The following SCP2 variants were observed in gnomAD, a reference collection of about 807,000 sequenced individuals.
SCP2 encodes SCP-2/3-oxoacyl-CoA thiolase.
SCP2 carries 48 observed loss-of-function variants against 71.4 expected under a neutral mutation model. The ratio of observed to expected loss-of-function variants is 0.67; its 90% CI spans 0.53 to 0.86. The LOEUF is 0.86. SCP2 is among the 40% of genes least tolerant of loss of function. SCP2 has a pLI of 0.00. For synonymous variants in SCP2, 220 were observed against 218.1 expected (o/e 1.01, Z -0.08); for missense variants, 560 against 655.6 (o/e 0.85, Z 1.59).
intron 6 of SCP2, among the ~76,000 whole-genome samples, chr1:52,964,878 G>A (rs1158526199): frequency 6.6e-6 from 1 of 152,044 alleles, no homozygotes; most frequent in African/African-American, 2.4e-5. Context: ...GCCGAGCCTG[G>A]TAGTGCACAC....
At chr1:52,994,666 A>G in intron 11 of SCP2, 1 of 545,680 alleles carries the variant, frequency 1.8e-6, no homozygotes, top group Non-Finnish European at 3.4e-6. Flanking sequence ...AAAAAGTTAC[A>G]TATTTTCTTG....
intron 6 of SCP2, chr1:52,963,561 G>C (rs1429365481): frequency 6.6e-6 from 1 of 152,162 alleles, no homozygotes; most frequent in Non-Finnish European, 1.5e-5. Context: ...TGACCAGGAT[G>C]ATAGGGTCAA....
At position 53,011,075 on chromosome 1, in the gene SCP2, T is replaced by C. The variant is rs140204240; in HGVS notation, c.1082-3815T>C. Among the ~76,000 whole-genome samples, 355 of 152,362 alleles carry C rather than the reference T, an allele frequency of 2.3e-3. 1 individual carries two copies. The highest frequency in any genetic ancestry group is 0.017 in the Middle Eastern group (5 of 294). On this transcript the variant is annotated intron_variant, in intron 11 of 15. Transcript: ENST00000371514. ...AAAACTGCTCTATTATAAATATACA[T>C]TCTTCAGTGTATGCTGAGTCTATGA...
chr1:52,942,427 A>G (rs146118468), intron 2 of SCP2, among the ~76,000 whole-genome samples: 2 of 152,248 alleles, frequency 1.3e-5, no homozygotes, highest in East Asian at 1.9e-4. Context: ...CTACAGGTGT[A>G]TGGGTCCTGG....
At position 53,025,060 on chromosome 1, in the gene SCP2, C is replaced by T. The variant is rs185171610; in HGVS notation, c.1236-2909C>T. 2.3e-3 allele frequency among the ~76,000 whole-genome samples: 354 copies of T among 152,264 alleles called. 1 individual carries two copies. The highest frequency in any genetic ancestry group is 0.017 in the Middle Eastern group (5 of 294). On this transcript the variant is annotated intron_variant, in intron 12 of 15. Coordinates refer to ENST00000371514, the MANE Select transcript of SCP2 (RefSeq NM_002979.5). Reference sequence around the variant, plus strand: ...TGTGTCTATTTCCCTCTTCTATTCACTCTTCAATTCACTATAATCTGACTT... The same window carrying T: ...TGTGTCTATTTCCCTCTTCTATTCATTCTTCAATTCACTATAATCTGACTT...
intron 11 of SCP2, chr1:52,994,787 G>A: frequency 1.8e-6 from 1 of 565,802 alleles, no homozygotes; most frequent in South Asian, 1.6e-5. Context: ...GCCAAGTGCT[G>A]GGATGTGATC....
At chr1:52,960,554 GTATATATGTATGTA>G in intron 5 of SCP2, among the ~76,000 whole-genome samples, 1 of 144,258 alleles carries the variant, frequency 6.9e-6, no homozygotes, top group East Asian at 2.0e-4. Context: ...ATATACATGT[GTATATATGTATGTA>G]TATATATGTA....
intron 11 of SCP2, among the ~76,000 whole-genome samples, chr1:53,002,642 T>C (rs1660391565): frequency 6.6e-6 from 1 of 152,254 alleles, no homozygotes; most frequent in African/African-American, 2.4e-5. Flanking sequence ...TATTATAAGA[T>C]GCTCTGATCT....
chr1:52,979,149 T>C lies in SCP2; in HGVS notation c.825+782T>C, dbSNP rs147312765. Among the ~76,000 whole-genome samples the C allele has an allele frequency of 7.9e-4, 120 of 152,242 alleles. No individual in the cohort carries two copies. The East Asian group carries it at 0.012, about 15-fold the overall frequency. ...TAGGTTTCCTGGTTATAGTACATTT[T>C]TCATTATACCACAGTTTTATTTCTT... On this transcript the variant is annotated intron_variant, in intron 9 of 15. Coordinates refer to ENST00000371514, the MANE Select transcript of SCP2 (RefSeq NM_002979.5).
chr1:53,045,128 C>T (rs536074257), intron 14 of SCP2, among the ~76,000 whole-genome samples: 14 of 152,168 alleles, frequency 9.2e-5, no homozygotes, highest in African/African-American at 2.6e-4. Context: ...GAGTGTACCA[C>T]GTGATGAATG....
intron 12 of SCP2, among the ~76,000 whole-genome samples, 178 bp from the exon 13 acceptor site, chr1:53,027,791 C>T (rs986862595): frequency 6.6e-6 from 1 of 152,232 alleles, no homozygotes; most frequent in African/African-American, 2.4e-5. Flanking sequence ...AGGCATTGAG[C>T]CATCGCGCCC....
chr1:52,999,507 A>G (rs1660162014), intron 11 of SCP2, among the ~76,000 whole-genome samples: 2 of 152,182 alleles, frequency 1.3e-5, no homozygotes, highest in African/African-American at 2.4e-5. Context: ...TTAAAGCTTC[A>G]TGATACTGGT....
intron 5 of SCP2, among the ~76,000 whole-genome samples, chr1:52,960,742 GTA>G (rs1553146019): frequency 8.2e-4 from 123 of 149,230 alleles, no homozygotes; most frequent in Admixed American, 2.7e-3. Context: ...GTGTGTGTGT[GTA>G]TATTTATTTA....
chr1:52,984,784 G>A (rs542457476), intron 10 of SCP2, among the ~76,000 whole-genome samples: 151 of 147,054 alleles, frequency 1.0e-3, no homozygotes, highest in Non-Finnish European at 1.2e-3. Context: ...TGATCTGCCC[G>A]CCTTGGCCTC....
intron 5 of SCP2, among the ~76,000 whole-genome samples, chr1:52,959,422 C>T (rs887617145): frequency 6.6e-6 from 1 of 151,594 alleles, no homozygotes; most frequent in Non-Finnish European, 1.5e-5. Context: ...CTTGAACTCC[C>T]GACCTCAGGT....
chr1:52,927,881 T>G (rs1163682580), intron 1 of SCP2, among the ~76,000 whole-genome samples: 2 of 152,192 alleles, frequency 1.3e-5, no homozygotes, highest in Non-Finnish European at 1.5e-5. Flanking sequence ...ACGCTCCTGA[T>G]GCCCAGCGCC....
At chr1:53,003,597 G>A (rs1194885317) in intron 11 of SCP2, among the ~76,000 whole-genome samples, 4 of 152,144 alleles carry the variant, frequency 2.6e-5, no homozygotes, top group Non-Finnish European at 4.4e-5. Context: ...CATGCTTACT[G>A]CAGTCTCTAC....
At chr1:53,035,985 A>C (rs1156668620) in intron 13 of SCP2, among the ~76,000 whole-genome samples, 1 of 144,090 alleles carries the variant, frequency 6.9e-6, no homozygotes, top group African/African-American at 2.6e-5. Flanking sequence ...AGGCCACTGC[A>C]CTCCAGCCTG....
At chr1:53,003,558 G>A (rs1660452410) in intron 11 of SCP2, among the ~76,000 whole-genome samples, 1 of 152,028 alleles carries the variant, frequency 6.6e-6, no homozygotes, top group Non-Finnish European at 1.5e-5. Context: ...TGTTGCCCAG[G>A]CTGAAGTGCA....
Sources: gnomAD v4.1 joint callset for allele counts (sites outside exome capture counted in the v4.1 genomes callset) on GRCh38, gnomAD v4.1.1 for gene constraint, MANE v1.5 for transcripts, NCBI Gene and HGNC (gene_info 2026-07-23, HGNC 2026-07-21) for gene names.